Variants in RNGTT observed in about 807,000 individuals in gnomAD.
RNGTT encodes mRNA-capping enzyme.
Under a neutral mutation model 79.3 loss-of-function variants are expected in RNGTT, and 33 were observed. The ratio of observed to expected loss-of-function variants is 0.42; its 90% confidence interval spans 0.32 to 0.56. RNGTT has a LOEUF of 0.56. Among genes scored for constraint, RNGTT ranks in the 20% least tolerant of loss-of-function variants. RNGTT has a pLI of 0.17. For missense variants in RNGTT, 497 were observed against 739.1 expected, an observed-to-expected ratio of 0.67 and a Z score of 3.80; for synonymous variants, 222 against 235.9, an observed-to-expected ratio of 0.94 and a Z score of 0.54.
intron 12 of RNGTT, among the ~76,000 whole-genome samples, chr6:88,783,885 C>T (rs942548310): frequency 1.3e-5 from 2 of 152,120 alleles, no homozygotes; most frequent in African/African-American, 4.8e-5. Context: ...AATCACTGAT[C>T]TAAAGTATGC....
intron 11 of RNGTT, among the ~76,000 whole-genome samples, chr6:88,844,067 C>T (rs1375000099): frequency 6.6e-6 from 1 of 151,574 alleles, no homozygotes; most frequent in Non-Finnish European, 1.5e-5. Context: ...CAATACAGTT[C>T]TATGTTGCTT....
At chr6:88,684,338 C>T (rs1004791528) in intron 13 of RNGTT, among the ~76,000 whole-genome samples, 2 of 152,124 alleles carry the variant, frequency 1.3e-5, no homozygotes, top group Admixed American at 1.3e-4. Context: ...TCTTACAAAA[C>T]TGAATATACC....
At chr6:88,791,743 G>A (rs1483961358) in intron 12 of RNGTT, among the ~76,000 whole-genome samples, 7 of 151,850 alleles carry the variant, frequency 4.6e-5, no homozygotes, top group South Asian at 2.1e-4. Flanking sequence ...GTTTCACCAC[G>A]TTAGCCAGGA....
intron 13 of RNGTT, among the ~76,000 whole-genome samples, chr6:88,723,935 G>A (rs573161026): frequency 6.6e-6 from 1 of 152,068 alleles, no homozygotes; most frequent in South Asian, 2.1e-4. Flanking sequence ...ATGTTGGCCA[G>A]GCTGGTCTCA....
intron 6 of RNGTT, among the ~76,000 whole-genome samples, chr6:88,900,733 CA>C (rs1167523257): frequency 1.0e-5 from 1 of 96,486 alleles, no homozygotes; most frequent in African/African-American, 4.2e-5. Flanking sequence ...GACTCTGTCT[CA>C]AAAAAAATAA....
At chr6:88,866,287 T>C (rs1782161370) in intron 8 of RNGTT, among the ~76,000 whole-genome samples, 1 of 152,050 alleles carries the variant, frequency 6.6e-6, no homozygotes, top group African/African-American at 2.4e-5. Flanking sequence ...GTCCCATATC[T>C]CCCAAGTAGC....
intron 13 of RNGTT, among the ~76,000 whole-genome samples, chr6:88,680,441 C>T (rs559025421): frequency 5.3e-5 from 8 of 152,008 alleles, no homozygotes; most frequent in South Asian, 2.1e-4. Flanking sequence ...CTGTCCCCTA[C>T]GTTCTATAAG....
intron 13 of RNGTT, among the ~76,000 whole-genome samples, chr6:88,761,335 T>TA (rs976810442): frequency 4.0e-5 from 6 of 151,594 alleles, no homozygotes; most frequent in African/African-American, 9.7e-5. Context: ...ATTAAAATTA[T>TA]AAAAAATCAG....
intron 13 of RNGTT, among the ~76,000 whole-genome samples, chr6:88,752,625 CTT>C (rs2127831132): frequency 6.6e-6 from 1 of 152,182 alleles, no homozygotes; most frequent in Admixed American, 6.5e-5. Context: ...GAAAAATACT[CTT>C]TTTGAATATA....
intron 13 of RNGTT, among the ~76,000 whole-genome samples, chr6:88,686,591 A>C (rs915724393): frequency 6.6e-6 from 1 of 152,132 alleles, no homozygotes; most frequent in Non-Finnish European, 1.5e-5. Flanking sequence ...ACGTCAGTAG[A>C]ATAGAACAGA....
At chr6:88,699,555 C>A (rs961841320) in intron 13 of RNGTT, among the ~76,000 whole-genome samples, 1 of 152,040 alleles carries the variant, frequency 6.6e-6, no homozygotes, top group African/African-American at 2.4e-5. Context: ...TGGTGGCACA[C>A]GCCTGTAGTC....
intron 13 of RNGTT, among the ~76,000 whole-genome samples, chr6:88,746,514 T>C (rs944435839): frequency 3.9e-5 from 6 of 152,100 alleles, no homozygotes; most frequent in Admixed American, 2.6e-4. Context: ...CAAATGTTGG[T>C]GGGGGAATGC....
Position 88,931,129 on chromosome 6 carries a change from T to C in RNGTT, c.175-1862A>G, listed in dbSNP as rs143895151. 5.5e-3 allele frequency among the ~76,000 whole-genome samples: 815 copies of C among 149,432 alleles called. 6 individuals are homozygous for C. The highest frequency in any genetic ancestry group is 0.017 in the African/African-American group (705 of 40,386). On this transcript the variant is annotated intron_variant, in intron 2 of 15. Transcript: ENST00000369485. ...GGTGCTAAAAAAGATTCAGATTTTA[T>C]ATTTTTGGATGAGGGATGCTCAACC...
chr6:88,726,600 G>A (rs1052448386), intron 13 of RNGTT, among the ~76,000 whole-genome samples: 1 of 152,140 alleles, frequency 6.6e-6, no homozygotes, highest in African/African-American at 2.4e-5. Context: ...AGGATAGATG[G>A]TTCCTCCTGG....
At chr6:88,898,739 A>G (rs1163835320) in intron 6 of RNGTT, among the ~76,000 whole-genome samples, 2 of 150,972 alleles carry the variant, frequency 1.3e-5, no homozygotes, top group African/African-American at 4.8e-5. Context: ...TTATTCTTCT[A>G]TACTATGTTT....
At chr6:88,729,323 G>A (rs1777028591) in intron 13 of RNGTT, among the ~76,000 whole-genome samples, 2 of 150,832 alleles carry the variant, frequency 1.3e-5, no homozygotes, top group African/African-American at 2.4e-5. Flanking sequence ...AGTAACTAAA[G>A]TGGCACTTAT....
chr6:88,826,317 T>G (rs1780653155), intron 11 of RNGTT, among the ~76,000 whole-genome samples: 2 of 152,220 alleles, frequency 1.3e-5, no homozygotes, highest in Non-Finnish European at 2.9e-5. Context: ...ACAGTTTGTT[T>G]TCATGCATTT....
chr6:88,725,391 C>A (rs1006748841), intron 13 of RNGTT, among the ~76,000 whole-genome samples: 1 of 152,184 alleles, frequency 6.6e-6, no homozygotes, highest in African/African-American at 2.4e-5. Flanking sequence ...GTGGTTGGGA[C>A]TGAGGAAAAA....
intron 8 of RNGTT, among the ~76,000 whole-genome samples, chr6:88,874,650 A>T (rs930270243): frequency 6.6e-6 from 1 of 152,044 alleles, no homozygotes; most frequent in Non-Finnish European, 1.5e-5. Context: ...AAAGTATCAC[A>T]GAATCGTAAA....
Sources: gnomAD v4.1 joint callset for allele counts (sites outside exome capture counted in the v4.1 genomes callset) on GRCh38, gnomAD v4.1.1 for gene constraint, MANE v1.5 for transcripts, NCBI Gene and HGNC (gene_info 2026-07-23, HGNC 2026-07-21) for gene names.